Variants in RAB10 observed in about 807,000 individuals in gnomAD.
RAB10 encodes RAB10, member RAS oncogene family, also known as ras-related protein Rab-10.
RAB10 carries 5 observed loss-of-function variants against 25.7 expected under a neutral mutation model. That is an observed-to-expected ratio of 0.19 (90% CI 0.10 to 0.41). The LOEUF is 0.41. RAB10 is among the 10% of genes least tolerant of loss of function. The pLI is 1.00. For missense variants in RAB10, 103 were observed against 245.8 expected, an observed-to-expected ratio of 0.42 and a Z score of 3.89; for synonymous variants, 89 against 86.4, an observed-to-expected ratio of 1.03 and a Z score of -0.16.
Position 26,127,891 on chromosome 2 carries a change from A to G in RAB10, c.459A>G (p.Ala153=), listed in dbSNP as rs1205638818. 3 of 1,610,826 alleles carry G rather than the reference A, an allele frequency of 1.9e-6. No homozygotes were observed. Among genetic ancestry groups the G allele is most frequent in the African/African-American group, 1.3e-5 (1 of 75,002 alleles). Reference sequence around the variant, plus strand: ...GTATTAGGTTTTTTGAGACTAGTGCAAAAGCAAATATAAACATCGAAAAGG... The same window carrying G: ...GTATTAGGTTTTTTGAGACTAGTGCGAAAGCAAATATAAACATCGAAAAGG... ...EHGIRFFETS[A]KANINIEKAF... The change falls in exon 5 of 6, where the codon GCA becomes GCG. Residue 153 remains alanine, a synonymous_variant. Coordinates refer to ENST00000264710, the MANE Select transcript of RAB10 (RefSeq NM_016131.5).
intron 1 of RAB10, among the ~76,000 whole-genome samples, chr2:26,076,509 TC>T (rs1314036793): frequency 6.6e-6 from 1 of 152,212 alleles, no homozygotes; most frequent in African/African-American, 2.4e-5. Flanking sequence ...ACTGCCATGT[TC>T]TGGAGAACAC....
At chr2:26,132,280 T>C (rs1318419825) in intron 5 of RAB10, among the ~76,000 whole-genome samples, 1 of 152,188 alleles carries the variant, frequency 6.6e-6, no homozygotes, top group African/African-American at 2.4e-5. Flanking sequence ...TGAGACGGAA[T>C]TTTGCCCTTG....
chr2:26,062,134 A>C (rs2149267520), intron 1 of RAB10, among the ~76,000 whole-genome samples: 1 of 152,342 alleles, frequency 6.6e-6, no homozygotes, highest in Non-Finnish European at 1.5e-5. Context: ...AGGCAATAAT[A>C]TATACATCTG....
intron 1 of RAB10, among the ~76,000 whole-genome samples, chr2:26,092,742 C>T (rs1667134435): frequency 6.6e-6 from 1 of 152,110 alleles, no homozygotes; most frequent in South Asian, 2.1e-4. Context: ...TCAGTTGTCA[C>T]ACTTGTCATT....
intron 1 of RAB10, among the ~76,000 whole-genome samples, chr2:26,055,615 C>T (rs1666245292): frequency 6.6e-6 from 1 of 152,114 alleles, no homozygotes; most frequent in African/African-American, 2.4e-5. Context: ...TCTTGAACTC[C>T]TGACCTCAGG....
At chr2:26,040,669 A>G (rs897376302) in intron 1 of RAB10, among the ~76,000 whole-genome samples, 6 of 152,118 alleles carry the variant, frequency 3.9e-5, no homozygotes, top group African/African-American at 1.4e-4. Flanking sequence ...TAAAACAAAA[A>G]CAGAAAACAT....
At chr2:26,051,934 G>C (rs1318347054) in intron 1 of RAB10, among the ~76,000 whole-genome samples, 1 of 151,572 alleles carries the variant, frequency 6.6e-6, no homozygotes, top group Non-Finnish European at 1.5e-5. Flanking sequence ...GCACGCACCT[G>C]TAATCCCAGC....
At chr2:26,107,712 C>T (rs1667493915) in intron 2 of RAB10, among the ~76,000 whole-genome samples, 1 of 152,048 alleles carries the variant, frequency 6.6e-6, no homozygotes, top group East Asian at 1.9e-4. Flanking sequence ...AGGAGAATCA[C>T]TTGAACCCAG....
intron 1 of RAB10, among the ~76,000 whole-genome samples, chr2:26,075,680 T>C (rs1035012994): frequency 6.6e-6 from 1 of 152,112 alleles, no homozygotes; most frequent in Admixed American, 6.6e-5. Context: ...GGACAAGTTG[T>C]CATGACATTA....
chr2:26,130,920 G>C (rs1356790488), intron 5 of RAB10, among the ~76,000 whole-genome samples: 1 of 152,072 alleles, frequency 6.6e-6, no homozygotes, highest in African/African-American at 2.4e-5. Context: ...GCAAGACCTA[G>C]TGAAACGCTC....
At chr2:26,055,161 T>G (rs1482980134) in intron 1 of RAB10, among the ~76,000 whole-genome samples, 1 of 152,038 alleles carries the variant, frequency 6.6e-6, no homozygotes, top group African/African-American at 2.4e-5. Context: ...TAGTATACAG[T>G]TGGTGGCTGC....
rs201470179 is a variant in RAB10, at chr2:26,082,062, TTTTAA to T, written c.128-16595_128-16591del. On this transcript the variant is annotated intron_variant, in intron 1 of 5. Transcript: ENST00000264710. ...GAAATAGAAAATATTTCTTCTCAAT[TTTTAA>T]TTTATTTAAAAGATAATTGTTTACA... Among the ~76,000 whole-genome samples the T allele has an allele frequency of 6.6e-5, 10 of 152,306 alleles. No homozygotes were observed. In the East Asian group the frequency reaches 1.7e-3, roughly 26 times the overall value.
rs904568456 is a variant in RAB10, at chr2:26,133,657, AT to A, written c.520-1272del. Among the ~76,000 whole-genome samples, 320 of 151,326 alleles carry A rather than the reference AT, an allele frequency of 2.1e-3. 1 individual carries two copies. Among genetic ancestry groups the A allele is most frequent in the African/African-American group, 7.6e-3 (313 of 41,252 alleles). On this transcript the variant is annotated intron_variant, in intron 5 of 5. Coordinates refer to ENST00000264710, the MANE Select transcript of RAB10 (RefSeq NM_016131.5). ...TACCCTTTTAAAATACTGTATTCTG[AT>A]TTTTTTTTCTTTTTCTTTTTCTTTT...
At chr2:26,044,278 C>T (rs926737315) in intron 1 of RAB10, among the ~76,000 whole-genome samples, 2 of 152,192 alleles carry the variant, frequency 1.3e-5, no homozygotes, top group East Asian at 3.8e-4. Flanking sequence ...CCTCCTGTTC[C>T]AGGTGTTAGC....
intron 1 of RAB10, among the ~76,000 whole-genome samples, chr2:26,094,167 G>A (rs1443346880): frequency 3.3e-5 from 5 of 151,982 alleles, no homozygotes; most frequent in Admixed American, 6.6e-5. Context: ...AGGATTATAG[G>A]CATGAGCCAC....
chr2:26,134,613 A>G (rs1335530811), intron 5 of RAB10, among the ~76,000 whole-genome samples: 2 of 152,238 alleles, frequency 1.3e-5, no homozygotes, highest in Non-Finnish European at 2.9e-5. Flanking sequence ...TTGCTCCACA[A>G]TGCCTTTTAA....
rs1219713780 is a variant in RAB10, at chr2:26,136,437, A to G, written c.*1416A>G. On this transcript the variant is annotated 3_prime_UTR_variant, in exon 6 of 6. Transcript: ENST00000264710. ...CTTTACATCCTTTTGGAAAACTTGT[A>G]TTACCATGGGTTTGGAAAAAGGACA... 2 of 152,760 alleles carry G rather than the reference A, an allele frequency of 1.3e-5. No homozygotes were observed. Among genetic ancestry groups the G allele is most frequent in the East Asian group, 1.9e-4 (1 of 5,186 alleles). 9.5% of individuals were successfully genotyped at this position (152,760 alleles called of 1,614,324 possible).
At chr2:26,043,614 A>G (rs979900455) in intron 1 of RAB10, among the ~76,000 whole-genome samples, 3 of 152,356 alleles carry the variant, frequency 2.0e-5, no homozygotes, top group Admixed American at 6.5e-5. Flanking sequence ...CTAACATGCT[A>G]CCACATGGAT....
At chr2:26,060,929 G>C (rs1030182878) in intron 1 of RAB10, among the ~76,000 whole-genome samples, 14 of 151,840 alleles carry the variant, frequency 9.2e-5, no homozygotes, top group Admixed American at 9.2e-4. Context: ...TTGAAAAATA[G>C]CTTCTAGATG....
Sources: allele counts gnomAD v4.1 joint callset (sites outside exome capture counted in the v4.1 genomes callset), GRCh38; gene constraint gnomAD v4.1.1; transcripts MANE v1.5; gene names NCBI Gene and HGNC (gene_info 2026-07-23, HGNC 2026-07-21).